Variants in MPP7 observed in about 807,000 individuals in gnomAD.
The protein encoded by MPP7 is MAGUK p55 scaffold protein 7.
In MPP7, 60 loss-of-function variants were observed where a neutral mutation model predicts 76.5. That is an observed-to-expected ratio of 0.78 (90% CI 0.64 to 0.97). MPP7 has a LOEUF of 0.97. Among genes scored for constraint, MPP7 ranks in the 50% least tolerant of loss-of-function variants. The probability of loss-of-function intolerance (pLI) is 0.00; values close to 1 mark genes in which losing one functional copy is unlikely to be tolerated. For missense variants in MPP7, 641 were observed against 694.0 expected, an observed-to-expected ratio of 0.92 and a Z score of 0.86; for synonymous variants, 237 against 244.5, an observed-to-expected ratio of 0.97 and a Z score of 0.29.
Position 28,119,526 on chromosome 10 carries a change from G to A in MPP7, c.952+125C>T, listed in dbSNP as rs1834762197. 6 of 692,782 alleles carry A rather than the reference G, an allele frequency of 8.7e-6. No individual in the cohort carries two copies. In the East Asian group the frequency reaches 1.6e-4, roughly 18 times the overall value. 42.9% of individuals were successfully genotyped at this position (692,782 alleles called of 1,614,324 possible). The stretch of plus-strand genomic sequence containing the variant: ...GAATCTCATATTTGTTTGTTCCTGA[G>A]AACTGATGATCCCAAAGTTATTGCT... On this transcript the variant is annotated intron_variant, in intron 11 of 16. Coordinates refer to ENST00000683449, the MANE Select transcript of MPP7 (RefSeq NM_001318170.2).
At chr10:28,090,937 A>T (rs780182536) in intron 11 of MPP7, among the ~76,000 whole-genome samples, 1 of 152,198 alleles carries the variant, frequency 6.6e-6, no homozygotes, top group African/African-American at 2.4e-5. Flanking sequence ...GCTTGAGCCC[A>T]GGAGTTTAAG....
intron 2 of MPP7, among the ~76,000 whole-genome samples, chr10:28,225,622 A>T (rs1838662594): frequency 6.6e-6 from 1 of 152,214 alleles, no homozygotes; most frequent in African/African-American, 2.4e-5. Flanking sequence ...ATCACTCCAC[A>T]CTTTCCTACA....
At chr10:28,236,631 T>TAC (rs780521306) in intron 2 of MPP7, 1,923 of 152,272 alleles carry the variant, frequency 0.013, 16 homozygotes, top group Middle Eastern at 0.044. Flanking sequence ...AATTAGTTTT[T>TAC]TTTTTCTTCG....
intron 11 of MPP7, among the ~76,000 whole-genome samples, chr10:28,115,110 GTTT>G (rs923042945): frequency 7.1e-6 from 1 of 141,812 alleles, no homozygotes; most frequent in Non-Finnish European, 1.5e-5. Context: ...TTTTGTTTTT[GTTT>G]TTTTTTGAGA....
intron 11 of MPP7, among the ~76,000 whole-genome samples, chr10:28,116,077 C>A (rs1262009708): frequency 6.6e-6 from 1 of 152,166 alleles, no homozygotes; most frequent in African/African-American, 2.4e-5. Flanking sequence ...TAAAAACTCA[C>A]ACTTGAATAT....
At chr10:28,124,967 A>T (rs750486606) in intron 7 of MPP7, 43 bp downstream of exon 7, 1 of 1,528,392 alleles carries the variant, frequency 6.5e-7, no homozygotes, top group East Asian at 2.3e-5. Context: ...CTACACACGA[A>T]ACACGTGATT....
intron 2 of MPP7, among the ~76,000 whole-genome samples, chr10:28,207,606 G>A (rs1181987979): frequency 6.6e-6 from 1 of 151,754 alleles, no homozygotes; most frequent in Non-Finnish European, 1.5e-5. Context: ...AATCACTTGA[G>A]CCCAGGAGGT....
intron 1 of MPP7, among the ~76,000 whole-genome samples, chr10:28,283,300 TC>T (rs1438036817): frequency 2.6e-5 from 4 of 152,044 alleles, no homozygotes; most frequent in Non-Finnish European, 5.9e-5. Context: ...CTCTACCAGT[TC>T]CTAGTTATAT....
chr10:28,062,637 A>G (rs1391118993), intron 13 of MPP7, among the ~76,000 whole-genome samples: 1 of 151,938 alleles, frequency 6.6e-6, no homozygotes, highest in Non-Finnish European at 1.5e-5. Flanking sequence ...TAAGAGAATA[A>G]TGGCAGACAA....
intron 6 of MPP7, among the ~76,000 whole-genome samples, chr10:28,126,902 G>C (rs1240517225): frequency 2.0e-5 from 3 of 152,148 alleles, no homozygotes; most frequent in Non-Finnish European, 4.4e-5. Context: ...AACAATTAGA[G>C]AAAGAGACAC....
intron 13 of MPP7, among the ~76,000 whole-genome samples, chr10:28,062,925 T>C (rs1039385598): frequency 1.3e-5 from 2 of 152,038 alleles, no homozygotes; most frequent in African/African-American, 4.8e-5. Context: ...CTTTGCAACC[T>C]TGAGATAGCA....
chr10:28,321,174 C>A (rs1281998490), intron 2 of MPP7, among the ~76,000 whole-genome samples: 1 of 151,980 alleles, frequency 6.6e-6, no homozygotes, highest in Non-Finnish European at 1.5e-5. Context: ...GTTTCCTCTC[C>A]TGCAAAAAAA....
At chr10:28,212,113 G>A (rs558297025) in intron 2 of MPP7, among the ~76,000 whole-genome samples, 232 of 150,472 alleles carry the variant, frequency 1.5e-3, no homozygotes, top group Non-Finnish European at 9.0e-4. Flanking sequence ...ACCCTGTCTC[G>A]TAAAAAAAAA....
intron 11 of MPP7, among the ~76,000 whole-genome samples, chr10:28,100,206 T>C (rs753051780): frequency 6.6e-6 from 1 of 151,570 alleles, no homozygotes; most frequent in Non-Finnish European, 1.5e-5. Context: ...CAACCAAACA[T>C]TGAACATTTC....
chr10:28,274,101 CTTTTTTT>C (rs60127503), intron 1 of MPP7, among the ~76,000 whole-genome samples: 1 of 123,658 alleles, frequency 8.1e-6, no homozygotes, highest in African/African-American at 3.1e-5. Context: ...AAATTTTTTT[CTTTTTTT>C]TTTTTTTTTT....
In MPP7 at chr10:28,052,758, CTT is replaced by C. The variant is rs1163035896; in HGVS notation, c.*1305_*1306del. On this transcript the variant is annotated 3_prime_UTR_variant, in exon 17 of 17. Transcript: ENST00000683449. ...TTTTTTCACATGACATTTAAACTCT[CTT>C]TACAAATCAACAAAAAAATAACATT... 1 of 152,026 alleles carries C rather than the reference CTT, an allele frequency of 6.6e-6. No individual in the cohort carries two copies. The highest frequency in any genetic ancestry group is 1.5e-5 in the Non-Finnish European group (1 of 68,028). The allele number at this position is 152,026 out of a possible 1,614,324, so 9.4% of individuals were successfully genotyped here.
intron 2 of MPP7, among the ~76,000 whole-genome samples, chr10:28,320,136 G>A (rs2133182703): frequency 6.6e-6 from 1 of 152,316 alleles, no homozygotes; most frequent in Middle Eastern, 3.4e-3. Context: ...GAAGATACGT[G>A]TGAGAGATCA....
chr10:28,142,251 A>T (rs1390782617), intron 5 of MPP7, among the ~76,000 whole-genome samples: 1 of 152,176 alleles, frequency 6.6e-6, no homozygotes, highest in Non-Finnish European at 1.5e-5. Flanking sequence ...AACTAAGGAG[A>T]AATCTATAAT....
At chr10:28,163,524 T>A (rs1308244856) in intron 3 of MPP7, among the ~76,000 whole-genome samples, 1 of 152,150 alleles carries the variant, frequency 6.6e-6, no homozygotes, top group Non-Finnish European at 1.5e-5. Flanking sequence ...TTCACACCTA[T>A]ACACCCAGGG....
Sources: gnomAD v4.1 joint callset for allele counts (sites outside exome capture counted in the v4.1 genomes callset) on GRCh38, gnomAD v4.1.1 for gene constraint, MANE v1.5 for transcripts, NCBI Gene and HGNC (gene_info 2026-07-23, HGNC 2026-07-21) for gene names.